Variants in FGGY observed in about 807,000 individuals in gnomAD.
FGGY encodes the protein FGGY carbohydrate kinase domain-containing protein.
In FGGY, 72 loss-of-function variants were observed where a neutral mutation model predicts 71.3. That is an observed-to-expected ratio of 1.01 (90% CI 0.84 to 1.23). The LOEUF (loss-of-function observed/expected upper bound fraction) is 1.23. FGGY is among the 50% of genes most tolerant of loss of function. The pLI is 0.00. For missense variants in FGGY, 668 were observed against 682.3 expected, an observed-to-expected ratio of 0.98 and a Z score of 0.23; for synonymous variants, 251 against 250.3, an observed-to-expected ratio of 1.00 and a Z score of -0.02.
intron 5 of FGGY, among the ~76,000 whole-genome samples, chr1:59,401,465 G>A (rs984426620): frequency 1.5e-4 from 23 of 152,148 alleles, no homozygotes; most frequent in African/African-American, 5.1e-4. Flanking sequence ...TGTTGAAATA[G>A]GCAATGCCAG....
intron 7 of FGGY, among the ~76,000 whole-genome samples, chr1:59,535,695 A>G (rs975757971): frequency 6.0e-5 from 9 of 150,404 alleles, no homozygotes; most frequent in African/African-American, 2.2e-4. Flanking sequence ...AAACCGCTCA[A>G]CTACATGGAA....
intron 6 of FGGY, among the ~76,000 whole-genome samples, chr1:59,511,652 G>T (rs949444382): frequency 6.6e-6 from 1 of 152,142 alleles, no homozygotes; most frequent in Non-Finnish European, 1.5e-5. Flanking sequence ...AGAATTCAAG[G>T]TCACTTGAAA....
At chr1:59,708,747 AGTACAG>A (rs2097773227) in intron 14 of FGGY, among the ~76,000 whole-genome samples, 1 of 152,204 alleles carries the variant, frequency 6.6e-6, no homozygotes, top group African/African-American at 2.4e-5. Context: ...AAAAATCCAA[AGTACAG>A]GTTGAGCAGC....
intron 14 of FGGY, chr1:59,698,663 T>C: frequency 1.3e-6 from 1 of 743,662 alleles, no homozygotes; most frequent in Non-Finnish European, 1.6e-6. Context: ...GACCCACCTC[T>C]CCCCTTTCTT....
chr1:59,298,909 C>G (rs1178486503), intron 1 of FGGY, among the ~76,000 whole-genome samples: 1 of 152,220 alleles, frequency 6.6e-6, no homozygotes. Context: ...TCATCTTGTC[C>G]ACATACTTTG....
intron 3 of FGGY, among the ~76,000 whole-genome samples, chr1:59,345,868 TTG>T (rs1343513146): frequency 3.9e-5 from 6 of 152,190 alleles, no homozygotes; most frequent in Non-Finnish European, 8.8e-5. Flanking sequence ...TTAGAAAGTA[TTG>T]TCTTAGTCTT....
At chr1:59,733,810 A>G (rs2098072690) in intron 14 of FGGY, among the ~76,000 whole-genome samples, 1 of 152,200 alleles carries the variant, frequency 6.6e-6, no homozygotes, top group South Asian at 2.1e-4. Context: ...TAAGTGGGCC[A>G]CATGCCTAAG....
intron 14 of FGGY, among the ~76,000 whole-genome samples, chr1:59,693,642 G>C (rs980219801): frequency 6.6e-6 from 1 of 152,048 alleles, no homozygotes; most frequent in African/African-American, 2.4e-5. Context: ...GGTGGAGAAG[G>C]AGAAGAGGAA....
At chr1:59,569,674 T>G (rs1343112420) in intron 8 of FGGY, among the ~76,000 whole-genome samples, 2 of 152,218 alleles carry the variant, frequency 1.3e-5, no homozygotes, top group Non-Finnish European at 2.9e-5. Context: ...TCTATTATTT[T>G]CTTGTTTATG....
intron 8 of FGGY, among the ~76,000 whole-genome samples, chr1:59,591,839 G>C (rs1571811848): frequency 1.3e-5 from 2 of 152,182 alleles, no homozygotes; most frequent in East Asian, 3.9e-4. Context: ...AAAAACCCTA[G>C]AAGAAAAACT....
chr1:59,557,140 G>A (rs1223401754), intron 8 of FGGY, among the ~76,000 whole-genome samples: 1 of 152,148 alleles, frequency 6.6e-6, no homozygotes, highest in African/African-American at 2.4e-5. Context: ...GCAGGTCTGA[G>A]GAAACACTCC....
chr1:59,660,156 C>T (rs2097260893), intron 11 of FGGY, 63 bp from the exon 12 acceptor site: 4 of 1,416,726 alleles, frequency 2.8e-6, no homozygotes, highest in Non-Finnish European at 4.0e-6. Context: ...TTCATGGGAA[C>T]TATCTTTATC....
chr1:59,691,795 T>G (rs1265978664), intron 14 of FGGY, among the ~76,000 whole-genome samples: 1 of 152,154 alleles, frequency 6.6e-6, no homozygotes, highest in African/African-American at 2.4e-5. Flanking sequence ...TACTGAAGAT[T>G]TAATTCCATT....
chr1:59,362,613 C>T (rs1301012883), intron 4 of FGGY, among the ~76,000 whole-genome samples: 1 of 152,188 alleles, frequency 6.6e-6, no homozygotes, highest in Non-Finnish European at 1.5e-5. Flanking sequence ...GACTGACCTC[C>T]ATCCCATCTT....
At chr1:59,541,886 C>A (rs74619560) in intron 7 of FGGY, among the ~76,000 whole-genome samples, 1 of 152,120 alleles carries the variant, frequency 6.6e-6, no homozygotes, top group Non-Finnish European at 1.5e-5. Flanking sequence ...AGTTACTGAA[C>A]GTGCTGAGTC....
At chr1:59,325,443 A>G (rs2047258378) in intron 2 of FGGY, among the ~76,000 whole-genome samples, 4 of 152,172 alleles carry the variant, frequency 2.6e-5, no homozygotes, top group Admixed American at 1.3e-4. Flanking sequence ...GACTTCTGAC[A>G]GTCTATGCCC....
At chr1:59,533,655 C>G (rs1376988507) in intron 7 of FGGY, among the ~76,000 whole-genome samples, 4 of 152,202 alleles carry the variant, frequency 2.6e-5, no homozygotes, top group Non-Finnish European at 5.9e-5. Flanking sequence ...GACCTGAGAA[C>G]GGGCAGACTG....
At chr1:59,509,125 C>T (rs1455067548) in intron 6 of FGGY, among the ~76,000 whole-genome samples, 1 of 152,208 alleles carries the variant, frequency 6.6e-6, no homozygotes, top group African/African-American at 2.4e-5. Flanking sequence ...CATCTGGCAG[C>T]TGTCTGCTGA....
At chr1:59,351,764 T>A (rs917041396) in intron 4 of FGGY, among the ~76,000 whole-genome samples, 1 of 152,164 alleles carries the variant, frequency 6.6e-6, no homozygotes, top group Admixed American at 6.5e-5. Context: ...AATAGAACAT[T>A]GACACTGATT....
Sources: allele counts gnomAD v4.1 joint callset (sites outside exome capture counted in the v4.1 genomes callset), GRCh38; gene constraint gnomAD v4.1.1; transcripts MANE v1.5; gene names NCBI Gene and HGNC (gene_info 2026-07-23, HGNC 2026-07-21).